Variants in MAPK10 observed in about 807,000 individuals in gnomAD.
MAPK10 encodes mitogen-activated protein kinase 10, also known as JNK3 alpha protein kinase.
Under a neutral mutation model 59.3 loss-of-function variants are expected in MAPK10, and 25 were observed. The ratio of observed to expected loss-of-function variants is 0.42; its 90% confidence interval spans 0.31 to 0.59. The LOEUF (loss-of-function observed/expected upper bound fraction) is 0.59. Ranked by LOEUF, MAPK10 falls within the 20% of genes least tolerant of loss-of-function variation. The pLI is 0.15. For missense variants in MAPK10, 351 were observed against 568.9 expected, an observed-to-expected ratio of 0.62 and a Z score of 3.90; for synonymous variants, 190 against 200.5, an observed-to-expected ratio of 0.95 and a Z score of 0.44.
intron 11 of MAPK10, among the ~76,000 whole-genome samples, chr4:86,052,269 C>A (rs980648937): frequency 6.6e-6 from 1 of 152,108 alleles, no homozygotes; most frequent in Middle Eastern, 3.4e-3. Flanking sequence ...TGTATTAAAT[C>A]TTTTTGTTAT....
At chr4:86,215,263 TAATG>T (rs1382215490) in intron 2 of MAPK10, among the ~76,000 whole-genome samples, 2 of 152,138 alleles carry the variant, frequency 1.3e-5, no homozygotes, top group Non-Finnish European at 2.9e-5. Context: ...AGTTAACCAA[TAATG>T]GATCAAAGAT....
At chr4:86,392,927 T>C (rs1564790356) in intron 1 of MAPK10, among the ~76,000 whole-genome samples, 1 of 152,210 alleles carries the variant, frequency 6.6e-6, no homozygotes, top group Non-Finnish European at 1.5e-5. Context: ...TGCTCTATGA[T>C]AAGCTGCATA....
At chr4:86,577,553 A>C (rs968132726) in intron 1 of MAPK10, among the ~76,000 whole-genome samples, 2 of 152,180 alleles carry the variant, frequency 1.3e-5, no homozygotes, top group African/African-American at 4.8e-5. Context: ...AAATGGAAAA[A>C]TGTGTTTGTT....
At chr4:86,072,158 T>G (rs948934326) in intron 9 of MAPK10, among the ~76,000 whole-genome samples, 2 of 151,224 alleles carry the variant, frequency 1.3e-5, no homozygotes, top group African/African-American at 4.9e-5. Flanking sequence ...GAAGCAATTG[T>G]GAATGGGAGT....
rs569607926 is a variant in MAPK10, at chr4:86,338,877, G to GAA, written c.-7+15652_-7+15653insTT. Among the ~76,000 whole-genome samples, 58 of 151,904 alleles carry GAA rather than the reference G, an allele frequency of 3.8e-4. No homozygotes were observed. The East Asian group carries it at 8.3e-3, about 22-fold the overall frequency. On this transcript the variant is annotated intron_variant, in intron 2 of 13. Transcript: ENST00000641462. ...GTGTTAACAAAATTTAGTGCCTAGT[G>GAA]TTGACAAAATTCCCTACCTGACACA...
At chr4:86,282,176 A>G (rs1479592942) in intron 2 of MAPK10, among the ~76,000 whole-genome samples, 1 of 152,176 alleles carries the variant, frequency 6.6e-6, no homozygotes, top group Non-Finnish European at 1.5e-5. Context: ...GCTCAGGCTT[A>G]TATAGGCTAA....
At chr4:86,592,014 C>A (rs1763080283) in intron 1 of MAPK10, among the ~76,000 whole-genome samples, 1 of 151,860 alleles carries the variant, frequency 6.6e-6, no homozygotes, top group Non-Finnish European at 1.5e-5. Context: ...CTGGACTTTA[C>A]AAAATCCTTT....
intron 13 of MAPK10, chr4:86,025,462 T>C (rs1749702990): frequency 2.5e-6 from 1 of 398,170 alleles, no homozygotes; most frequent in South Asian, 1.3e-4. Context: ...GGCTTTAAGT[T>C]GTTAAATTAC....
chr4:86,111,342 A>C (rs2057447545), intron 4 of MAPK10, among the ~76,000 whole-genome samples: 1 of 152,192 alleles, frequency 6.6e-6, no homozygotes, highest in African/African-American at 2.4e-5. Flanking sequence ...TTGCCCATTC[A>C]GTATGATAGT....
intron 4 of MAPK10, among the ~76,000 whole-genome samples, chr4:86,121,837 T>TAA (rs1206111734): frequency 6.6e-6 from 1 of 152,158 alleles, no homozygotes; most frequent in East Asian, 1.9e-4. Context: ...TCAAACTGTC[T>TAA]AATTTTGTGT....
intron 1 of MAPK10, among the ~76,000 whole-genome samples, chr4:86,399,413 G>C (rs1216370677): frequency 6.6e-6 from 1 of 152,138 alleles, no homozygotes; most frequent in African/African-American, 2.4e-5. Flanking sequence ...CTTTTGAAAA[G>C]TAACTGCTTA....
intron 1 of MAPK10, among the ~76,000 whole-genome samples, chr4:86,548,042 C>G (rs929344898): frequency 2.0e-5 from 3 of 152,170 alleles, no homozygotes; most frequent in African/African-American, 7.2e-5. Flanking sequence ...CCGCTCAGGT[C>G]CCCTTCCACA....
chr4:86,441,703 A>C (rs1432429054), intron 1 of MAPK10, among the ~76,000 whole-genome samples: 1 of 152,176 alleles, frequency 6.6e-6, no homozygotes. Flanking sequence ...TGATTTAAAA[A>C]ACATGGACTA....
chr4:86,074,950 G>C (rs987825535), intron 9 of MAPK10, among the ~76,000 whole-genome samples: 28 of 142,284 alleles, frequency 2.0e-4, no homozygotes, highest in African/African-American at 6.5e-4. Flanking sequence ...TGCCTTGCTA[G>C]ATTGGGGAAG....
At chr4:86,139,564 T>G (rs549912732) in intron 4 of MAPK10, among the ~76,000 whole-genome samples, 3,866 of 152,136 alleles carry the variant, frequency 0.025, 158 homozygotes, top group African/African-American at 0.088. Context: ...ACGTTAGACC[T>G]AAAACCATAA....
chr4:86,293,404 C>T (rs1226672780), intron 2 of MAPK10, among the ~76,000 whole-genome samples: 2 of 152,142 alleles, frequency 1.3e-5, no homozygotes, highest in Non-Finnish European at 2.9e-5. Context: ...GAAATCGGAG[C>T]ACAGAGCACT....
chr4:86,086,210 C>T (rs149327595), intron 9 of MAPK10, among the ~76,000 whole-genome samples: 8 of 152,016 alleles, frequency 5.3e-5, no homozygotes, highest in Middle Eastern at 6.8e-3. Context: ...AACAATTGAA[C>T]TCATCGAGAT....
chr4:86,441,109 G>A (rs1397373178), intron 1 of MAPK10, among the ~76,000 whole-genome samples: 1 of 152,148 alleles, frequency 6.6e-6, no homozygotes, highest in East Asian at 1.9e-4. Flanking sequence ...TAATTGATTA[G>A]GTTTCATTTG....
chr4:86,130,760 GGAA>G (rs1229733425), intron 4 of MAPK10, among the ~76,000 whole-genome samples: 1 of 152,116 alleles, frequency 6.6e-6, no homozygotes, highest in Non-Finnish European at 1.5e-5. Flanking sequence ...CACAGGATGG[GGAA>G]GAAGATGTTG....
Sources: allele counts gnomAD v4.1 joint callset (sites outside exome capture counted in the v4.1 genomes callset), GRCh38; gene constraint gnomAD v4.1.1; transcripts MANE v1.5; gene names NCBI Gene and HGNC (gene_info 2026-07-23, HGNC 2026-07-21).